Variants in LPP observed in about 807,000 individuals in gnomAD.
The protein encoded by LPP is lipoma-preferred partner.
In LPP, 38 loss-of-function variants were observed where a neutral mutation model predicts 60.4. That is an observed-to-expected ratio of 0.63 (90% CI 0.49 to 0.83). LPP has a LOEUF of 0.83. Among genes scored for constraint, LPP ranks in the 40% least tolerant of loss-of-function variants. The pLI is 0.00. For synonymous variants in LPP, 328 were observed against 290.8 expected (o/e 1.13, Z -1.30); for missense variants, 902 against 783.6 (o/e 1.15, Z -1.80).
At chr3:188,249,881 C>T (rs1325586493) in intron 2 of LPP, among the ~76,000 whole-genome samples, 20 of 121,174 alleles carry the variant, frequency 1.7e-4, no homozygotes, top group African/African-American at 6.7e-4. Context: ...GTCTCCCCCA[C>T]CCCATATATA....
At chr3:188,207,926 C>G (rs1733751731) in intron 1 of LPP, among the ~76,000 whole-genome samples, 1 of 152,204 alleles carries the variant, frequency 6.6e-6, no homozygotes, top group African/African-American at 2.4e-5. Context: ...CTGTCTTGAA[C>G]TGGATTTGTG....
In LPP at chr3:188,756,708, T is replaced by C. The variant is rs141454703; in HGVS notation, c.1241-3405T>C. On this transcript the variant is annotated intron_variant, in intron 8 of 11. Coordinates refer to ENST00000617246, the MANE Select transcript of LPP (RefSeq NM_001375462.1). ...ATTTTTATGTTTTGTTCTTCACTTT[T>C]TTCTGTACTTGTGATTTAAAGGTGC... Among the ~76,000 whole-genome samples the C allele has an allele frequency of 1.9e-3, 287 of 152,318 alleles. 1 individual carries two copies. The highest frequency in any genetic ancestry group is 6.6e-3 in the African/African-American group (274 of 41,554).
intron 7 of LPP, among the ~76,000 whole-genome samples, chr3:188,661,166 G>A (rs1386646371): frequency 3.3e-5 from 5 of 152,030 alleles, no homozygotes; most frequent in Admixed American, 3.3e-4. Flanking sequence ...TCATGGCTTG[G>A]TAACTCATTT....
chr3:188,673,249 T>C (rs1400188705), intron 7 of LPP, among the ~76,000 whole-genome samples: 1 of 152,068 alleles, frequency 6.6e-6, no homozygotes. Context: ...TTTGTTTGTT[T>C]TTAACTCTGA....
intron 7 of LPP, among the ~76,000 whole-genome samples, chr3:188,674,653 AT>A (rs1380901751): frequency 1.3e-5 from 2 of 152,108 alleles, no homozygotes; most frequent in Non-Finnish European, 2.9e-5. Context: ...TCTTCTTTAC[AT>A]TTTCTCATTT....
chr3:188,789,472 AG>A, intron 9 of LPP, among the ~76,000 whole-genome samples: 1 of 152,338 alleles, frequency 6.6e-6, no homozygotes, highest in Non-Finnish European at 1.5e-5. Flanking sequence ...TATGACAGTA[AG>A]CACTTACCTC....
rs901374582 is a variant in LPP at position 188,546,216 on chromosome 3, A to G, written c.429+21429A>G. Among the ~76,000 whole-genome samples, 3 of 152,202 alleles carry G rather than the reference A, an allele frequency of 2.0e-5. No individual in the cohort carries two copies. In the South Asian group the frequency reaches 6.2e-4, roughly 32 times the overall value. Reference sequence around the variant, plus strand: ...CTCATAAGTGGCAGAGTTCAGGTTCAAAACCAGGCAATCTAGTTCTGGATC... The same window carrying G: ...CTCATAAGTGGCAGAGTTCAGGTTCGAAACCAGGCAATCTAGTTCTGGATC... On this transcript the variant is annotated intron_variant, in intron 6 of 11. Transcript: ENST00000617246.
At chr3:188,362,756 C>G (rs368250536) in intron 3 of LPP, among the ~76,000 whole-genome samples, 1 of 152,126 alleles carries the variant, frequency 6.6e-6, no homozygotes, top group Non-Finnish European at 1.5e-5. Flanking sequence ...GAAAATAAAT[C>G]GCTAAAATCT....
chr3:188,543,433 C>T (rs1043932238), intron 6 of LPP, among the ~76,000 whole-genome samples: 5 of 152,180 alleles, frequency 3.3e-5, no homozygotes, highest in Non-Finnish European at 4.4e-5. Context: ...CTTGGTCTTT[C>T]ACAAGGCTGC....
chr3:188,524,642 C>A, intron 5 of LPP, 23 bp from the exon 6 acceptor site: 2 of 1,595,774 alleles, frequency 1.3e-6, no homozygotes, highest in Non-Finnish European at 1.7e-6. Context: ...CCTTTGTTAA[C>A]ATGTCTGTGT....
At chr3:188,776,088 C>A (rs2150772829) in intron 9 of LPP, among the ~76,000 whole-genome samples, 1 of 152,352 alleles carries the variant, frequency 6.6e-6, no homozygotes, top group South Asian at 2.1e-4. Flanking sequence ...CTTGTTCACG[C>A]TCTCGTGGAG....
chr3:188,676,800 G>A (rs989546422), intron 7 of LPP, among the ~76,000 whole-genome samples: 1 of 152,150 alleles, frequency 6.6e-6, no homozygotes, highest in Non-Finnish European at 1.5e-5. Context: ...CAATGAGTGT[G>A]GGAGGGACCT....
intron 7 of LPP, 120 bp from the exon 8 acceptor site, chr3:188,708,147 C>A: frequency 1.8e-6 from 2 of 1,085,132 alleles, no homozygotes; most frequent in Non-Finnish European, 2.7e-6. Context: ...AAACCCAGGT[C>A]TCCTGACAGC....
intron 1 of LPP, chr3:188,180,202 C>T (rs1390233979): frequency 6.5e-6 from 1 of 154,446 alleles, no homozygotes; most frequent in Non-Finnish European, 1.5e-5. Flanking sequence ...TTCGGCTTCC[C>T]AGCTGGCTTC....
chr3:188,425,422 T>C (rs1221879677), intron 4 of LPP, among the ~76,000 whole-genome samples: 1 of 152,162 alleles, frequency 6.6e-6, no homozygotes, highest in Non-Finnish European at 1.5e-5. Context: ...TTTTGTTGTG[T>C]CTCTGCCAGG....
In LPP at chr3:188,190,304, C is replaced by T. The variant is rs560627772; in HGVS notation, c.-189-35101C>T. Among the ~76,000 whole-genome samples the T allele has an allele frequency of 5.8e-4, 88 of 152,222 alleles. 1 individual carries two copies. The highest frequency in any genetic ancestry group is 6.8e-3 in the Middle Eastern group (2 of 294). On this transcript the variant is annotated intron_variant, in intron 1 of 11. Coordinates refer to ENST00000617246, the MANE Select transcript of LPP (RefSeq NM_001375462.1). The stretch of plus-strand genomic sequence containing the variant: ...GAACTCCTGACCTCATGTGATCCGC[C>T]CGCCTCGGCCTCCCAAAGTGCTGGG...
chr3:188,444,263 G>C (rs1354274725), intron 4 of LPP, among the ~76,000 whole-genome samples: 1 of 151,272 alleles, frequency 6.6e-6, no homozygotes, highest in Non-Finnish European at 1.5e-5. Flanking sequence ...ATATAGGGCT[G>C]TAAGGGTTTG....
intron 2 of LPP, among the ~76,000 whole-genome samples, chr3:188,260,203 C>T (rs978406263): frequency 5.3e-5 from 8 of 152,000 alleles, no homozygotes; most frequent in Admixed American, 1.3e-4. Context: ...CCACCAAGTC[C>T]GGCTAATTTT....
Position 188,877,824 on chromosome 3 carries a change from C to T in LPP, c.*3345C>T. 1 of 216,620 alleles carries T rather than the reference C, an allele frequency of 4.6e-6. No individual in the cohort carries two copies. The highest frequency in any genetic ancestry group is 6.8e-5 in the East Asian group (1 of 14,678). The allele number at this position is 216,620 out of a possible 1,614,324, so 13.4% of individuals were successfully genotyped here. On this transcript the variant is annotated 3_prime_UTR_variant, in exon 12 of 12. Coordinates refer to ENST00000617246, the MANE Select transcript of LPP (RefSeq NM_001375462.1). Reference sequence around the variant, plus strand: ...ATCAGGTTGTTAGATGCTGGCATCTCTGCAGCTCAAAGATGTGGGTTCTTT... The same window carrying T: ...ATCAGGTTGTTAGATGCTGGCATCTTTGCAGCTCAAAGATGTGGGTTCTTT...
Sources: gnomAD v4.1 joint callset for allele counts (sites outside exome capture counted in the v4.1 genomes callset) on GRCh38, gnomAD v4.1.1 for gene constraint, MANE v1.5 for transcripts, NCBI Gene and HGNC (gene_info 2026-07-23, HGNC 2026-07-21) for gene names.